DDRGK1: variants seen among roughly 807,000 people sequenced by gnomAD.
DDRGK1 encodes DDRGK domain-containing protein 1.
DDRGK1 carries 38 observed loss-of-function variants against 45.8 expected under a neutral mutation model. The observed-to-expected ratio is 0.83, with a 90% CI of 0.64 to 1.09. DDRGK1 has a LOEUF of 1.09. DDRGK1 is among the 50% of genes least tolerant of loss of function. DDRGK1 has a pLI of 0.00. For missense variants in DDRGK1, 403 were observed against 419.9 expected (o/e 0.96, Z 0.35); for synonymous variants, 171 against 168.7 (o/e 1.01, Z -0.11).
chr20:3,199,979 T>G (rs2067028423), intron 4 of DDRGK1, 22 bp downstream of exon 4: 6 of 1,588,094 alleles, frequency 3.8e-6, no homozygotes, highest in Non-Finnish European at 5.1e-6. Flanking sequence ...GGGTCAGAGG[T>G]CAGGGTAGGG....
chr20:3,190,648 T>C lies in DDRGK1; in HGVS notation c.*5A>G, dbSNP rs1003593155. On this transcript the variant is annotated 3_prime_UTR_variant, in exon 9 of 9. Coordinates refer to ENST00000354488, the MANE Select transcript of DDRGK1 (RefSeq NM_023935.3). ...AACTCTGAGTCCAAGAGGGAAGGAC[T>C]GGGGTCAGGCTGGGGCTTGGGCAGG... 5 of 1,613,380 alleles carry C rather than the reference T, an allele frequency of 3.1e-6. No individual in the cohort carries two copies. Among genetic ancestry groups the C allele is most frequent in the Non-Finnish European group, 3.4e-6 (4 of 1,179,908 alleles).
chr20:3,203,311 CGCCGAG>C lies in DDRGK1; in HGVS notation c.191_196del (p.Pro64_Arg65del), dbSNP rs1259195361. The C allele has an allele frequency of 6.2e-7, 1 of 1,608,048 alleles. No individual in the cohort carries two copies. The highest frequency in any genetic ancestry group is 8.5e-7 in the Non-Finnish European group (1 of 1,177,092). ...TAGGCGGCTGCCCAGGTCCCTCCGG[CGCCGAG>C]GCCTGCCTCCAGCTCTCGGCTCCTC... On this transcript the variant is annotated inframe_deletion, in exon 2 of 9. Coordinates refer to ENST00000354488, the MANE Select transcript of DDRGK1 (RefSeq NM_023935.3).
At chr20:3,194,457 C>T (rs573275168) in intron 6 of DDRGK1, among the ~76,000 whole-genome samples, 1 of 152,364 alleles carries the variant, frequency 6.6e-6, no homozygotes, top group South Asian at 2.1e-4. Context: ...GTCAGGAGCA[C>T]ATGGCAGAGG....
intron 2 of DDRGK1, 24 bp from the exon 3 acceptor site, chr20:3,200,478 G>C: frequency 1.3e-6 from 2 of 1,551,222 alleles, no homozygotes; most frequent in Non-Finnish European, 8.7e-7. Flanking sequence ...AAGAAAGACA[G>C]TTCAGGTTCT....
In DDRGK1 at chr20:3,201,673, T is replaced by A. The variant is rs2067040453; in HGVS notation, c.296-1219A>T. Among the ~76,000 whole-genome samples the A allele has an allele frequency of 3.3e-5, 5 of 151,658 alleles. No homozygotes were observed. The South Asian group carries it at 1.0e-3, about 32-fold the overall frequency. On this transcript the variant is annotated intron_variant, in intron 2 of 8. Coordinates refer to ENST00000354488, the MANE Select transcript of DDRGK1 (RefSeq NM_023935.3). The stretch of plus-strand genomic sequence containing the variant: ...GGTTGTTTTTTTTGGTTTTTTTTTT[T>A]TTGAGACGGAGTCTCGCTCTGTTGC...
intron 2 of DDRGK1, among the ~76,000 whole-genome samples, chr20:3,201,016 A>G (rs2067036097): frequency 6.6e-6 from 1 of 152,188 alleles, no homozygotes; most frequent in Non-Finnish European, 1.5e-5. Context: ...AGGCTGAGGC[A>G]GGAGAATAAT....
At position 3,203,314 on chromosome 20, in the gene DDRGK1, C is replaced by T. The variant is rs753161086; in HGVS notation, c.194G>A (p.Arg65Gln). ...GCGGCTGCCCAGGTCCCTCCGGCGCCGAGGCCTGCCTCCAGCTCTCGGCTC... is the reference window on the plus strand; with the variant it reads ...GCGGCTGCCCAGGTCCCTCCGGCGCTGAGGCCTGCCTCCAGCTCTCGGCTC... ...PEEPRAGGRPRRRRDLGSRLQ... is the reference protein window; with the variant it reads ...PEEPRAGGRPQRRRDLGSRLQ... The change falls in exon 2 of 9, where the codon CGG (arginine) becomes CAG (glutamine). Residue 65 changes from arginine (R) to glutamine (Q), a missense_variant. Physicochemically the swap from Arg to Gln is conservative, Grantham distance 43 (BLOSUM62 1). Coordinates refer to ENST00000354488, the MANE Select transcript of DDRGK1 (RefSeq NM_023935.3). 2.5e-5 allele frequency: 40 copies of T among 1,608,218 alleles called. No individual in the cohort carries two copies. Among genetic ancestry groups the T allele is most frequent in the Admixed American group, 3.4e-5 (2 of 59,380 alleles).
chr20:3,192,668 C>G (rs2066994396), intron 6 of DDRGK1, among the ~76,000 whole-genome samples: 1 of 152,176 alleles, frequency 6.6e-6, no homozygotes, highest in Non-Finnish European at 1.5e-5. Context: ...CCTGAGTTCC[C>G]AAGGGCGCAG....
chr20:3,190,954 T>C (rs1031929428), intron 8 of DDRGK1, 135 bp from the exon 9 acceptor site: 1 of 1,361,706 alleles, frequency 7.3e-7, no homozygotes, highest in Non-Finnish European at 1.0e-6. Flanking sequence ...CCTGGCTGCA[T>C]CCAGTCCTGC....
chr20:3,190,702 T>TTG lies in DDRGK1; in HGVS notation c.894_895dup (p.Asn299ThrfsTer62). On this transcript the variant is annotated frameshift_variant, in exon 9 of 9. Transcript: ENST00000354488. LOFTEE classifies it high-confidence loss of function. Reference sequence around the variant, plus strand: ...CTCCCGGCCCCAGGCGATGAGGGAGTTGCTGGCTTGGGCAAGCTCGGCGAT... The same window carrying TTG: ...CTCCCGGCCCCAGGCGATGAGGGAGTTGTGCTGGCTTGGGCAAGCTCGGCGAT... 1 of 1,613,702 alleles carries TTG rather than the reference T, an allele frequency of 6.2e-7. No individual in the cohort carries two copies. Among genetic ancestry groups the TTG allele is most frequent in the Non-Finnish European group, 8.5e-7 (1 of 1,179,882 alleles).
intron 2 of DDRGK1, among the ~76,000 whole-genome samples, chr20:3,201,360 G>A (rs1244040739): frequency 1.3e-5 from 2 of 150,210 alleles, no homozygotes; most frequent in Admixed American, 6.6e-5. Context: ...TAGGGACGCT[G>A]AAGCAGGAGA....
chr20:3,190,658 C>G lies in DDRGK1; in HGVS notation c.940G>C (p.Ala314Pro). The G allele has an allele frequency of 6.2e-7, 1 of 1,613,688 alleles. No individual in the cohort carries two copies. The highest frequency in any genetic ancestry group is 8.5e-7 in the Non-Finnish European group (1 of 1,179,966). Reference sequence around the variant, plus strand: ...CCAAGAGGGAAGGACTGGGGTCAGGCTGGGGCTTGGGCAGGGGACTCCCGG... The same window carrying G: ...CCAAGAGGGAAGGACTGGGGTCAGGGTGGGGCTTGGGCAGGGGACTCCCGG... ...WGRESPAQAP[A>P] The change falls in exon 9 of 9, where the codon GCC (alanine) becomes CCC (proline). Residue 314 changes from alanine to proline, a missense_variant. Coordinates refer to ENST00000354488, the MANE Select transcript of DDRGK1 (RefSeq NM_023935.3).
At chr20:3,203,073 C>T (rs760246473) in intron 2 of DDRGK1, 140 bp downstream of exon 2, 17 of 752,080 alleles carry the variant, frequency 2.3e-5, no homozygotes, top group Admixed American at 1.8e-4. Flanking sequence ...GTCCCAAGTC[C>T]CCCCCTACTC....
intron 1 of DDRGK1, among the ~76,000 whole-genome samples, chr20:3,204,198 C>T (rs1265932835): frequency 6.6e-6 from 1 of 152,200 alleles, no homozygotes; most frequent in Non-Finnish European, 1.5e-5. Context: ...ACCCCTGCGG[C>T]CTCCCTAACA....
intron 5 of DDRGK1, 145 bp downstream of exon 5, chr20:3,195,086 T>C (rs2067004371): frequency 1.4e-6 from 2 of 1,436,788 alleles, no homozygotes; most frequent in Non-Finnish European, 1.9e-6. Context: ...ACAAGGCCTC[T>C]GGCCACTAAA....
At chr20:3,198,137 G>A (rs1339773610) in intron 4 of DDRGK1, among the ~76,000 whole-genome samples, 2 of 146,792 alleles carry the variant, frequency 1.4e-5, no homozygotes, top group Non-Finnish European at 3.0e-5. Flanking sequence ...GCCGGGCACA[G>A]TGGCTCATGC....
intron 2 of DDRGK1, 77 bp from the exon 3 acceptor site, chr20:3,200,531 C>A: frequency 7.6e-7 from 1 of 1,317,670 alleles, no homozygotes; most frequent in Non-Finnish European, 1.1e-6. Context: ...ACCCCTCGTC[C>A]CTCCCCTAAC....
chr20:3,191,398 G>C (rs2066988767), intron 7 of DDRGK1, 160 bp from the exon 8 acceptor site: 15 of 789,586 alleles, frequency 1.9e-5, no homozygotes, highest in Non-Finnish European at 1.7e-5. Context: ...TGGGTAGAAG[G>C]GGCTCTGGTC....
chr20:3,203,086 C>T (rs576841305), intron 2 of DDRGK1, 127 bp downstream of exon 2: 3 of 871,098 alleles, frequency 3.4e-6, no homozygotes, highest in Admixed American at 6.8e-5. Context: ...CCCTACTCTA[C>T]CGTGTGGCTC....
Sources: gnomAD v4.1 joint callset for allele counts (sites outside exome capture counted in the v4.1 genomes callset) on GRCh38, gnomAD v4.1.1 for gene constraint, MANE v1.5 for transcripts, NCBI Gene and HGNC (gene_info 2026-07-23, HGNC 2026-07-21) for gene names.